The following ALYREF variants were observed in gnomAD, a reference collection of about 807,000 sequenced individuals.
ALYREF encodes the protein THO complex subunit 4.
ALYREF carries 1 observed loss-of-function variant against 25.2 expected under a neutral mutation model. The observed-to-expected ratio is 0.04, with a 90% confidence interval of 0.01 to 0.19. The LOEUF (loss-of-function observed/expected upper bound fraction) is 0.19. ALYREF is among the 10% of genes least tolerant of loss of function. The pLI is 1.00. For synonymous variants in ALYREF, 193 were observed against 153.5 expected (o/e 1.26, Z -1.90); for missense variants, 328 against 375.6 (o/e 0.87, Z 1.05).
chr17:81,890,411 C>T (rs575953222), intron 2 of ALYREF, among the ~76,000 whole-genome samples: 65 of 152,334 alleles, frequency 4.3e-4, no homozygotes, highest in African/African-American at 1.5e-3. Context: ...CACATTTGGT[C>T]AGTCTTTGTC....
Position 81,891,403 on chromosome 17 carries a change from C to A in ALYREF, c.178G>T (p.Gly60Trp). The A allele has an allele frequency of 9.4e-7, 1 of 1,066,692 alleles. No homozygotes were observed. Among genetic ancestry groups the A allele is most frequent in the Non-Finnish European group, 1.1e-6 (1 of 884,736 alleles). 66.1% of individuals were successfully genotyped at this position (1,066,692 alleles called of 1,614,324 possible). A position where few individuals can be genotyped will look rare whatever the true frequency, so the allele number is the denominator to read the frequency against. The part of the protein sequence containing the change: ...QAAARVNRGG[G>W]PIRNRPAIAR... Reference sequence around the variant, plus strand: ...ATGGCCGGCCGGTTCCGGATGGGCCCGCCGCCTCGATTCACTCGCGCGGCG... The same window carrying A: ...ATGGCCGGCCGGTTCCGGATGGGCCAGCCGCCTCGATTCACTCGCGCGGCG... Residue 60 changes from glycine (G) to tryptophan (W), a missense_variant, in exon 1 of 6, where the codon GGG becomes TGG. Coordinates refer to ENST00000505490, the MANE Select transcript of ALYREF (RefSeq NM_005782.4).
At position 81,888,861 on chromosome 17, in the gene ALYREF, A is replaced by T; in HGVS notation, c.539-278T>A. ...GTGGAGAGGTGTGGGTGACCTGACG[A>T]AGAAGAACCGGTACCTTTGTCTTTA... On this transcript the variant is annotated intron_variant, in intron 3 of 5. Transcript: ENST00000505490. The surrounding 1 kb of genome is among the most constrained non-coding windows in gnomAD (Gnocchi z 5.8). The T allele has an allele frequency of 7.1e-7, 1 of 1,409,416 alleles. No individual in the cohort carries two copies. The allele number at this position is 1,409,416 out of a possible 1,614,324, so 87.3% of individuals were successfully genotyped here.
rs150564817 is a variant in ALYREF, at chr17:81,888,531, C to T, written c.591G>A (p.Arg197=). ...LVTSQIDAQR[R]PAQSVNRGGM... ...GCCCCGGAAGTCACCTCTGTGCAGG[C>T]CTCCGCTGTGCGTCAATCTGTGACG... The change falls in exon 4 of 6, where the codon AGG becomes AGA. Residue 197 remains arginine (R), a synonymous_variant. Transcript: ENST00000505490. The surrounding 1 kb of genome is among the most constrained non-coding windows in gnomAD (Gnocchi z 5.8). 5.0e-6 allele frequency: 8 copies of T among 1,598,152 alleles called. No individual in the cohort carries two copies. The highest frequency in any genetic ancestry group is 1.3e-5 in the African/African-American group (1 of 74,874).
intron 3 of ALYREF, 129 bp downstream of exon 3, chr17:81,889,053 A>G (rs2039468063): frequency 1.7e-5 from 25 of 1,471,804 alleles, no homozygotes; most frequent in South Asian, 2.7e-5. Context: ...TGGCAGATGG[A>G]AGAGAGAGAC....
chr17:81,891,446 G>A lies in ALYREF; in HGVS notation c.135C>T (p.Arg45=). Residue 45 remains arginine, a synonymous_variant, in exon 1 of 6, where the codon CGC becomes CGT. Coordinates refer to ENST00000505490, the MANE Select transcript of ALYREF (RefSeq NM_005782.4). ...GCGCGGCGGCCTGCGCCCCACCGCC[G>A]CGGCCGCCCTGGGAGCCGGCCCGGC... ...GRGRAGSQGG[R]GGGAQAAARV... The A allele has an allele frequency of 3.9e-6, 4 of 1,021,196 alleles. No homozygotes were observed. Among genetic ancestry groups the A allele is most frequent in the Non-Finnish European group, 4.7e-6 (4 of 857,808 alleles). 63.3% of individuals were successfully genotyped at this position (1,021,196 alleles called of 1,614,324 possible).
chr17:81,891,017 T>G (rs1447347764), intron 1 of ALYREF, 197 bp from the exon 2 acceptor site: 1 of 808,884 alleles, frequency 1.2e-6, no homozygotes, highest in African/African-American at 1.7e-5. Context: ...CAACTTCAGT[T>G]CCCTTAGACT....
intron 1 of ALYREF, 33 bp from the exon 2 acceptor site, chr17:81,890,853 T>G: frequency 6.2e-7 from 1 of 1,613,742 alleles, no homozygotes; most frequent in Non-Finnish European, 8.5e-7. Flanking sequence ...AGCAGATCTG[T>G]GAGTCTCAGT....
intron 2 of ALYREF, among the ~76,000 whole-genome samples, chr17:81,890,249 T>A (rs1056845546): frequency 1.7e-4 from 26 of 152,168 alleles, no homozygotes; most frequent in African/African-American, 5.1e-4. Flanking sequence ...AAGGTCTTTA[T>A]AAGACAGTAC....
chr17:81,888,068 C>T lies in ALYREF; in HGVS notation c.*63G>A. The stretch of plus-strand genomic sequence containing the variant: ...TGGCCGCACAGCCCCAGCCACCGCC[C>T]CCCAACCAGGGAGCAAGAGGAGACG... On this transcript the variant is annotated 3_prime_UTR_variant, in exon 6 of 6. Transcript: ENST00000505490. This position sits in a 1 kb window ranked among gnomAD's most constrained non-coding sequence, Gnocchi z 5.8. The T allele has an allele frequency of 6.2e-7, 1 of 1,610,460 alleles. No individual in the cohort carries two copies. The highest frequency in any genetic ancestry group is 1.1e-5 in the South Asian group (1 of 90,896).
chr17:81,889,267 G>A lies in ALYREF; in HGVS notation c.453C>T (p.Arg151=), dbSNP rs1393990272. 8 of 1,614,252 alleles carry A rather than the reference G, an allele frequency of 5.0e-6. No individual in the cohort carries two copies. The highest frequency in any genetic ancestry group is 5.9e-6 in the Non-Finnish European group (7 of 1,180,044). The part of the protein sequence containing the change: ...KAAVHYDRSG[R]SLGTADVHFE... ...AGTGCACGTCTGCTGTTCCTAAGCT[G>A]CGACCAGAGCGATCATAGTGCACAG... Residue 151 remains arginine (R), a synonymous_variant, in exon 3 of 6, where the codon CGC becomes CGT. Transcript: ENST00000505490.
Position 81,887,969 on chromosome 17 carries a change from A to G in ALYREF, c.*162T>C, listed in dbSNP as rs1391805188. On this transcript the variant is annotated 3_prime_UTR_variant, in exon 6 of 6. Transcript: ENST00000505490. ...GTCTGTTTCAGAATTAAAAAAAAAA[A>G]AAAAGAAAAAAAAAAAACCTTTACA... is the stretch of plus-strand genomic sequence containing the variant. 23 of 835,068 alleles carry G rather than the reference A, an allele frequency of 2.8e-5. No individual in the cohort carries two copies. The highest frequency in any genetic ancestry group is 5.1e-5 in the South Asian group (2 of 39,452). The allele number at this position is 835,068 out of a possible 1,614,324, so 51.7% of individuals were successfully genotyped here.
Position 81,891,504 on chromosome 17 carries a change from T to A in ALYREF, c.77A>T (p.Gln26Leu). 7.7e-7 allele frequency: 1 copy of A among 1,297,000 alleles called. No homozygotes were observed. Among genetic ancestry groups the A allele is most frequent in the Non-Finnish European group, 9.9e-7 (1 of 1,006,934 alleles). The allele number at this position is 1,297,000 out of a possible 1,614,324, so 80.3% of individuals were successfully genotyped here. ...LDDIIKLNRS[Q>L]RGGRGGGRGR... Reference sequence around the variant, plus strand: ...CCGGCCCCCGCCCCGGCCGCCTCGCTGGCTCCGGTTCAGTTTAATGATGTC... The same window carrying A: ...CCGGCCCCCGCCCCGGCCGCCTCGCAGGCTCCGGTTCAGTTTAATGATGTC... Residue 26 changes from glutamine (Q) to leucine (L), a missense_variant, in exon 1 of 6, where the codon CAG becomes CTG. Gln to Leu is a moderately radical substitution (Grantham distance 113, BLOSUM62 -2). This residue lies in a region of ALYREF where 150 missense variants were observed against 135.3 expected (regional missense o/e 1.11). Transcript: ENST00000505490.
Position 81,888,344 on chromosome 17 carries a change from G to A in ALYREF, c.677C>T (p.Thr226Ile). The change falls in exon 5 of 6, where the codon ACC becomes ATC. Residue 226 changes from threonine (T) to isoleucine (I), a missense_variant. Around this residue, in one of 3 missense-constraint regions of ALYREF, gnomAD observed 108 missense variants for 110.5 expected, o/e 0.98. Transcript: ENST00000505490. The surrounding 1 kb of genome is among the most constrained non-coding windows in gnomAD (Gnocchi z 5.8). ...GCCTCTTCCACGGGCGCCTCCGCGG[G>A]TGCCTCTCCGGGTGCCTCCACCACC... Reference protein sequence around the residue: ...FGGGGGTRRGTRGGARGRGRG... With the variant: ...FGGGGGTRRGIRGGARGRGRG... The A allele has an allele frequency of 1.5e-5, 24 of 1,604,322 alleles. No individual in the cohort carries two copies. The highest frequency in any genetic ancestry group is 2.0e-5 in the Non-Finnish European group (23 of 1,178,348).
rs1373069281 is a variant in ALYREF at position 81,888,084 on chromosome 17, AGAG to A, written c.*44_*46del. 6 of 1,613,088 alleles carry A rather than the reference AGAG, an allele frequency of 3.7e-6. No homozygotes were observed. The highest frequency in any genetic ancestry group is 2.2e-5 in the East Asian group (1 of 44,882). ...GCCACCGCCCCCCAACCAGGGAGCA[AGAG>A]GAGACGCCTGGGTCCTGTTCCGCAC... On this transcript the variant is annotated 3_prime_UTR_variant, in exon 6 of 6. Transcript: ENST00000505490. The surrounding 1 kb of genome is among the most constrained non-coding windows in gnomAD (Gnocchi z 5.8).
intron 1 of ALYREF, chr17:81,891,031 T>A: frequency 1.3e-6 from 1 of 742,838 alleles, no homozygotes; most frequent in Non-Finnish European, 2.1e-6. Flanking sequence ...TTAGACTAAC[T>A]TCCCGCCGCC....
At chr17:81,891,221 G>A (rs941609275) in intron 1 of ALYREF, 102 bp downstream of exon 1, 3 of 942,208 alleles carry the variant, frequency 3.2e-6, no homozygotes, top group African/African-American at 4.3e-5. Flanking sequence ...CGCTCCACCA[G>A]CCTTATCCAC....
chr17:81,889,423 G>C, intron 2 of ALYREF, 94 bp from the exon 3 acceptor site: 10 of 1,457,842 alleles, frequency 6.9e-6, no homozygotes, highest in Admixed American at 1.7e-5. Flanking sequence ...AGTTGCTTTG[G>C]GGGTGGTTCT....
chr17:81,890,620 C>A, intron 2 of ALYREF, 69 bp downstream of exon 2: 1 of 1,586,082 alleles, frequency 6.3e-7, no homozygotes, highest in Non-Finnish European at 8.6e-7. Flanking sequence ...GGACTCAGGG[C>A]CACATCCCCA....
Position 81,888,704 on chromosome 17 carries a change from C to G in ALYREF, c.539-121G>C, listed in dbSNP as rs2039463553. On this transcript the variant is annotated intron_variant, in intron 3 of 5. Transcript: ENST00000505490. The surrounding 1 kb of genome is among the most constrained non-coding windows in gnomAD (Gnocchi z 5.8). ...GGGCCTCTGTGCGTCTCAAATGCCC[C>G]CGACAAGGGAAATGGCCTGGAGATA... 4.7e-6 allele frequency: 7 copies of G among 1,501,034 alleles called. No individual in the cohort carries two copies. The highest frequency in any genetic ancestry group is 5.4e-6 in the Non-Finnish European group (6 of 1,118,522). The allele number at this position is 1,501,034 out of a possible 1,614,324, so 93.0% of individuals were successfully genotyped here. A position where few individuals can be genotyped will look rare whatever the true frequency, so the allele number is the denominator to read the frequency against.
Sources: gnomAD v4.1 joint callset for allele counts (sites outside exome capture counted in the v4.1 genomes callset) on GRCh38, gnomAD v4.1.1 for gene constraint, gnomAD v4.1.1 regional missense constraint, Gnocchi (gnomAD v3.1) non-coding constraint, MANE v1.5 for transcripts, NCBI Gene and HGNC (gene_info 2026-07-23, HGNC 2026-07-21) for gene names.